The following KCNMB2 variants were observed in gnomAD, a reference collection of about 807,000 sequenced individuals.
The protein encoded by KCNMB2 is calcium-activated potassium channel subunit beta-2.
Under a neutral mutation model 24.5 loss-of-function variants are expected in KCNMB2, and 9 were observed. The observed-to-expected ratio is 0.37, with a 90% confidence interval of 0.22 to 0.64. The LOEUF (loss-of-function observed/expected upper bound fraction) is 0.64, where lower values mean the gene tolerates loss of function less well. KCNMB2 is among the 30% of genes least tolerant of loss of function. The probability of loss-of-function intolerance (pLI) is 0.63; values close to 1 mark genes in which losing one functional copy is unlikely to be tolerated. For missense variants in KCNMB2, 226 were observed against 284.3 expected (o/e 0.79, Z 1.47); for synonymous variants, 109 against 104.4 (o/e 1.04, Z -0.27).
intron 1 of KCNMB2, among the ~76,000 whole-genome samples, chr3:178,647,325 A>G (rs1313587532): frequency 6.6e-6 from 1 of 152,198 alleles, no homozygotes; most frequent in Non-Finnish European, 1.5e-5. Flanking sequence ...TTTTTTCCAT[A>G]TTTCTCTTTT....
chr3:178,600,648 C>T (rs1469690219), intron 1 of KCNMB2, among the ~76,000 whole-genome samples: 2 of 152,084 alleles, frequency 1.3e-5, no homozygotes, highest in Admixed American at 1.3e-4. Flanking sequence ...ATGGGGACTT[C>T]AGGACAGAGA....
intron 1 of KCNMB2, among the ~76,000 whole-genome samples, chr3:178,677,457 G>A (rs535407539): frequency 3.3e-5 from 5 of 152,290 alleles, no homozygotes; most frequent in South Asian, 2.1e-4. Flanking sequence ...CCCACCTGAC[G>A]CAGACAGCTC....
chr3:178,600,474 A>G lies in KCNMB2; in HGVS notation c.-68+63763A>G, dbSNP rs186246954. On this transcript the variant is annotated intron_variant, in intron 1 of 4. Coordinates refer to ENST00000452583, the MANE Select transcript of KCNMB2 (RefSeq NM_181361.3). ...ACAATAACTCTGTTTTTAATTTTTTAAGGAATACATTGACTTTTAATAAGT... is the reference window on the plus strand; with the variant it reads ...ACAATAACTCTGTTTTTAATTTTTTGAGGAATACATTGACTTTTAATAAGT... 4.6e-3 allele frequency among the ~76,000 whole-genome samples: 695 copies of G among 152,338 alleles called. 3 individuals carry two copies. Among genetic ancestry groups the G allele is most frequent in the Non-Finnish European group, 7.7e-3 (521 of 68,032 alleles).
intron 1 of KCNMB2, among the ~76,000 whole-genome samples, chr3:178,546,482 T>C (rs958284550): frequency 6.6e-6 from 1 of 152,140 alleles, no homozygotes; most frequent in Admixed American, 6.5e-5. Flanking sequence ...ATAAACAAGA[T>C]AAAAAGGAAG....
intron 1 of KCNMB2, among the ~76,000 whole-genome samples, chr3:178,719,395 T>C (rs1002098475): frequency 3.9e-5 from 6 of 152,244 alleles, no homozygotes; most frequent in African/African-American, 1.2e-4. Context: ...CCCCAGAAAC[T>C]AGGAATGGCC....
intron 1 of KCNMB2, among the ~76,000 whole-genome samples, chr3:178,721,089 G>A (rs147286830): frequency 0.086 from 13,037 of 151,976 alleles, 705 homozygotes; most frequent in Middle Eastern, 0.14. Context: ...GTTTTCTTCC[G>A]GGGTTTTTAT....
intron 1 of KCNMB2, among the ~76,000 whole-genome samples, chr3:178,637,364 G>A (rs1560142475): frequency 6.6e-6 from 1 of 152,132 alleles, no homozygotes. Flanking sequence ...TCACCAGCAT[G>A]ATCAAACTAT....
chr3:178,697,655 T>C (rs1721930009), intron 1 of KCNMB2, among the ~76,000 whole-genome samples: 1 of 152,194 alleles, frequency 6.6e-6, no homozygotes, highest in African/African-American at 2.4e-5. Flanking sequence ...TCATGTTAGC[T>C]GGTTATTTTG....
At chr3:178,671,139 T>C (rs1361462163) in intron 1 of KCNMB2, among the ~76,000 whole-genome samples, 1 of 122,824 alleles carries the variant, frequency 8.1e-6, no homozygotes, top group Non-Finnish European at 1.6e-5. Context: ...CACACAGGCC[T>C]CAAGGAAATA....
At chr3:178,681,319 T>C (rs1278449776) in intron 1 of KCNMB2, among the ~76,000 whole-genome samples, 2 of 152,246 alleles carry the variant, frequency 1.3e-5, no homozygotes, top group Non-Finnish European at 2.9e-5. Context: ...GAATTAGTTA[T>C]GTGCTCAATA....
rs765874378 is a variant in KCNMB2, at chr3:178,843,350, A to AT, written c.*422dup. 693 of 352,564 alleles carry AT rather than the reference A, an allele frequency of 2.0e-3. 4 individuals are homozygous for AT. Among genetic ancestry groups the AT allele is most frequent in the African/African-American group, 9.5e-3 (437 of 45,820 alleles). The allele number at this position is 352,564 out of a possible 1,614,324, so 21.8% of individuals were successfully genotyped here. A position where few individuals can be genotyped will look rare whatever the true frequency, so the allele number is the denominator to read the frequency against. ...GTTTACTAAAGCTACAGCCAAAAATATTTTTTTTTCTTATTCTAAACTGAG... is the reference window on the plus strand; with the variant it reads ...GTTTACTAAAGCTACAGCCAAAAATATTTTTTTTTTCTTATTCTAAACTGAG... On this transcript the variant is annotated 3_prime_UTR_variant, in exon 5 of 5. Transcript: ENST00000452583.
chr3:178,821,535 GC>G (rs1304764543), intron 2 of KCNMB2, among the ~76,000 whole-genome samples: 1 of 152,074 alleles, frequency 6.6e-6, no homozygotes, highest in African/African-American at 2.4e-5. Context: ...AACAGAGGTG[GC>G]CCTCTGACTG....
chr3:178,796,623 A>G (rs977116494), intron 1 of KCNMB2, among the ~76,000 whole-genome samples: 1 of 152,216 alleles, frequency 6.6e-6, no homozygotes, highest in Non-Finnish European at 1.5e-5. Context: ...ATACAAATGT[A>G]TGGAAATTAA....
intron 1 of KCNMB2, among the ~76,000 whole-genome samples, chr3:178,544,182 A>T (rs144514478): frequency 6.6e-6 from 1 of 152,290 alleles, no homozygotes; most frequent in African/African-American, 2.4e-5. Context: ...AAAAAATCAT[A>T]CACCTCAGAA....
At position 178,778,455 on chromosome 3, in the gene KCNMB2, GACACACACAC is replaced by G. The variant is rs71628070; in HGVS notation, c.-67-28849_-67-28840del. Reference sequence around the variant, plus strand: ...ATTATGCCTGATTTCTACCCTTTAAGACACACACACACACACACACACACACACACACACA... The same window carrying G: ...ATTATGCCTGATTTCTACCCTTTAAGACACACACACACACACACACACACA... On this transcript the variant is annotated intron_variant, in intron 1 of 4. Coordinates refer to ENST00000452583, the MANE Select transcript of KCNMB2 (RefSeq NM_181361.3). Among the ~76,000 whole-genome samples, 357 of 127,542 alleles carry G rather than the reference GACACACACAC, an allele frequency of 2.8e-3. 6 individuals carry two copies. Among genetic ancestry groups the G allele is most frequent in the South Asian group, 0.016 (58 of 3,720 alleles). The allele number at this position is 127,542 out of a possible 152,430, so 83.7% of individuals were successfully genotyped here. A position where few individuals can be genotyped will look rare whatever the true frequency, so the allele number is the denominator to read the frequency against.
intron 1 of KCNMB2, among the ~76,000 whole-genome samples, chr3:178,682,319 C>A (rs1448927081): frequency 1.3e-5 from 2 of 152,132 alleles, no homozygotes; most frequent in Admixed American, 6.5e-5. Context: ...AGTCACTACA[C>A]AATAATTGCT....
intron 1 of KCNMB2, among the ~76,000 whole-genome samples, chr3:178,545,531 A>C (rs1715745235): frequency 6.6e-6 from 1 of 152,260 alleles, no homozygotes; most frequent in African/African-American, 2.4e-5. Flanking sequence ...GCTTTGCATC[A>C]GATGCAGAGA....
At chr3:178,549,725 A>G (rs73050377) in intron 1 of KCNMB2, among the ~76,000 whole-genome samples, 5,517 of 152,166 alleles carry the variant, frequency 0.036, 328 homozygotes, top group African/African-American at 0.12. Context: ...ATAAAGGTCA[A>G]CAAGAAAAGT....
At chr3:178,790,831 T>G (rs1333673165) in intron 1 of KCNMB2, among the ~76,000 whole-genome samples, 1 of 152,212 alleles carries the variant, frequency 6.6e-6, no homozygotes, top group Non-Finnish European at 1.5e-5. Context: ...ATCCAGGGAC[T>G]TCTACTGCAT....
Sources: gnomAD v4.1 joint callset for allele counts (sites outside exome capture counted in the v4.1 genomes callset) on GRCh38, gnomAD v4.1.1 for gene constraint, MANE v1.5 for transcripts, NCBI Gene and HGNC (gene_info 2026-07-23, HGNC 2026-07-21) for gene names.